The following SH3GLB1 variants were observed in gnomAD, a reference collection of about 807,000 sequenced individuals.
SH3GLB1 encodes SH3 domain containing GRB2 like, endophilin B1.
Under a neutral mutation model 42.0 loss-of-function variants are expected in SH3GLB1, and 17 were observed. The observed-to-expected ratio is 0.40, with a 90% CI of 0.28 to 0.61. The LOEUF (loss-of-function observed/expected upper bound fraction) is 0.61. Among genes scored for constraint, SH3GLB1 ranks in the 20% least tolerant of loss-of-function variants. The probability of loss-of-function intolerance (pLI) is 0.36; values close to 1 mark genes in which losing one functional copy is unlikely to be tolerated. For missense variants in SH3GLB1, 355 were observed against 426.3 expected (o/e 0.83, Z 1.47); for synonymous variants, 132 against 146.6 (o/e 0.90, Z 0.72).
In SH3GLB1 at chr1:86,724,892, A is replaced by ATAT. The variant is rs1553208270; in HGVS notation, c.570+487_570+488insTAT. Among the ~76,000 whole-genome samples, 238 of 99,648 alleles carry ATAT rather than the reference A, an allele frequency of 2.4e-3. 2 individuals are homozygous for ATAT. In the East Asian group the frequency reaches 0.028, roughly 12 times the overall value. The allele number at this position is 99,648 out of a possible 152,430, so 65.4% of individuals were successfully genotyped here. On this transcript the variant is annotated intron_variant, in intron 5 of 8. Coordinates refer to ENST00000370558, the MANE Select transcript of SH3GLB1 (RefSeq NM_016009.5). ...CTGTCTTTAAAAAAAAAAAAAAAAAAATATATATATATATATATATAAAAT... is the reference window on the plus strand; with the variant it reads ...CTGTCTTTAAAAAAAAAAAAAAAAAATATATATATATATATATATATATAAAAT...
chr1:86,738,809 A>AC (rs1655910802), intron 7 of SH3GLB1: 1 of 151,620 alleles, frequency 6.6e-6, no homozygotes, highest in South Asian at 2.1e-4. Flanking sequence ...TGCCCAGCTA[A>AC]TTTTTTGCAT....
chr1:86,722,801 G>A, intron 4 of SH3GLB1, 128 bp downstream of exon 4: 1 of 695,240 alleles, frequency 1.4e-6, no homozygotes, highest in Non-Finnish European at 2.2e-6. Flanking sequence ...CTAGGTCAGT[G>A]CATGTTCACC....
chr1:86,734,257 A>C (rs1472337888), intron 5 of SH3GLB1: 3 of 164,540 alleles, frequency 1.8e-5, no homozygotes, highest in Admixed American at 6.1e-5. Context: ...GTCATCTTAA[A>C]ATTTTGTAAA....
chr1:86,734,438 G>C, intron 5 of SH3GLB1, 164 bp from the exon 6 acceptor site: 5 of 578,620 alleles, frequency 8.6e-6, no homozygotes, highest in South Asian at 6.6e-5. Flanking sequence ...GAAAAGCTAA[G>C]GTCTAGAAAC....
In SH3GLB1 at chr1:86,709,035, T is replaced by C. The variant is rs377473996; in HGVS notation, c.72+4064T>C. ...GTAAAATAAACTTTTTTTAAAGATA[T>C]AGCTTCAAATCCATCTCAGCTGATA... On this transcript the variant is annotated intron_variant, in intron 1 of 8. Transcript: ENST00000370558. Among the ~76,000 whole-genome samples the C allele has an allele frequency of 2.9e-4, 44 of 152,332 alleles. 1 individual carries two copies. The South Asian group carries it at 8.3e-3, about 29-fold the overall frequency.
chr1:86,734,372 G>GT (rs1333775024), intron 5 of SH3GLB1: 2 of 415,228 alleles, frequency 4.8e-6, no homozygotes, highest in African/African-American at 4.0e-5. Context: ...AAGCTTTAGC[G>GT]TAACAGATTC....
chr1:86,730,200 C>G (rs916171689), intron 5 of SH3GLB1: 1 of 1,519,578 alleles, frequency 6.6e-7, no homozygotes, highest in African/African-American at 1.4e-5. Flanking sequence ...ACCCATGGGT[C>G]CAGTCACAGT....
chr1:86,745,494 C>T lies in SH3GLB1; in HGVS notation c.*2259C>T, dbSNP rs759028456. 6 of 152,140 alleles carry T rather than the reference C, an allele frequency of 3.9e-5. No homozygotes were observed. Among genetic ancestry groups the T allele is most frequent in the Admixed American group, 2.6e-4 (4 of 15,278 alleles). The allele number at this position is 152,140 out of a possible 1,614,324, so 9.4% of individuals were successfully genotyped here. On this transcript the variant is annotated 3_prime_UTR_variant, in exon 9 of 9. Transcript: ENST00000370558. ...TATCCTCCACCCTCTTTAAATCAGA[C>T]CCCAGGTTTAACCTTCCCACAGTCA...
intron 7 of SH3GLB1, among the ~76,000 whole-genome samples, chr1:86,736,692 T>C (rs542348713): frequency 2.0e-5 from 3 of 152,320 alleles, no homozygotes; most frequent in South Asian, 2.1e-4. Flanking sequence ...TGTTGCGTTA[T>C]TACTGCTCTT....
chr1:86,729,480 TGAAAAGCG>T (rs1257863480), intron 5 of SH3GLB1, among the ~76,000 whole-genome samples: 2 of 152,274 alleles, frequency 1.3e-5, no homozygotes, highest in East Asian at 3.9e-4. Flanking sequence ...TATAGGTAAA[TGAAAAGCG>T]TGAGGATATT....
At chr1:86,722,282 T>G (rs1654910633) in intron 3 of SH3GLB1, among the ~76,000 whole-genome samples, 1 of 152,108 alleles carries the variant, frequency 6.6e-6, no homozygotes, top group Non-Finnish European at 1.5e-5. Flanking sequence ...TTTGCCCTCT[T>G]TAGTCCCATT....
chr1:86,721,555 T>G (rs1196869009), intron 3 of SH3GLB1, among the ~76,000 whole-genome samples: 1 of 152,188 alleles, frequency 6.6e-6, no homozygotes, highest in African/African-American at 2.4e-5. Context: ...ACCCTGATCT[T>G]GGGGCTTCCT....
At chr1:86,712,326 G>A (rs1262294564) in intron 1 of SH3GLB1, among the ~76,000 whole-genome samples, 1 of 152,106 alleles carries the variant, frequency 6.6e-6, no homozygotes, top group Non-Finnish European at 1.5e-5. Context: ...AGGAAGCACA[G>A]AATATGATTG....
intron 3 of SH3GLB1, among the ~76,000 whole-genome samples, chr1:86,721,230 T>G (rs1247143038): frequency 6.6e-6 from 1 of 152,218 alleles, no homozygotes; most frequent in Non-Finnish European, 1.5e-5. Context: ...TACTAAAAAT[T>G]GAGTATCACA....
chr1:86,743,789 A>G lies in SH3GLB1; in HGVS notation c.*554A>G, dbSNP rs1325927441. 1 of 152,568 alleles carries G rather than the reference A, an allele frequency of 6.6e-6. No individual in the cohort carries two copies. The highest frequency in any genetic ancestry group is 1.5e-5 in the Non-Finnish European group (1 of 68,006). The allele number at this position is 152,568 out of a possible 1,614,324, so 9.5% of individuals were successfully genotyped here. A position where few individuals can be genotyped will look rare whatever the true frequency, so the allele number is the denominator to read the frequency against. ...ACAGAAATCAAATGATTTTAATATT[A>G]TGTTTTGATGGGTTATTTTCAGAGT... On this transcript the variant is annotated 3_prime_UTR_variant, in exon 9 of 9. Transcript: ENST00000370558.
At chr1:86,705,848 G>A (rs865904771) in intron 1 of SH3GLB1, among the ~76,000 whole-genome samples, 11 of 152,124 alleles carry the variant, frequency 7.2e-5, no homozygotes, top group Admixed American at 2.0e-4. Context: ...TTACGGTCAC[G>A]GTAGCAACAA....
chr1:86,704,668 T>A lies in SH3GLB1; in HGVS notation c.-232T>A, dbSNP rs1290048901. On this transcript the variant is annotated 5_prime_UTR_variant, in exon 1 of 9. Transcript: ENST00000370558. ...CCATCGTCGACGTTAGCGGCCGTTC[T>A]CCGAGCCGACTGACCCATCCTTGGC... 2 of 384,670 alleles carry A rather than the reference T, an allele frequency of 5.2e-6. No individual in the cohort carries two copies. The highest frequency in any genetic ancestry group is 2.2e-5 in the African/African-American group (1 of 46,456). The allele number at this position is 384,670 out of a possible 1,614,324, so 23.8% of individuals were successfully genotyped here.
rs372762399 is a variant in SH3GLB1, at chr1:86,715,878, A to G, written c.214+13A>G. On this transcript the variant is annotated intron_variant, in intron 2 of 8. Coordinates refer to ENST00000370558, the MANE Select transcript of SH3GLB1 (RefSeq NM_016009.5). ...CAGCCAAATCCAAGTAAGAAACTCTACCTCTTGTGTACCTTAAGTACTATT... is the reference window on the plus strand; with the variant it reads ...CAGCCAAATCCAAGTAAGAAACTCTGCCTCTTGTGTACCTTAAGTACTATT... 6.2e-6 allele frequency: 10 copies of G among 1,604,238 alleles called. No homozygotes were observed. In the African/African-American group the frequency reaches 1.2e-4, roughly 19 times the overall value.
At chr1:86,741,003 TATG>T (rs1395672502) in intron 7 of SH3GLB1, among the ~76,000 whole-genome samples, 14 of 151,960 alleles carry the variant, frequency 9.2e-5, no homozygotes, top group Non-Finnish European at 5.9e-5. Context: ...TATGATAAAA[TATG>T]ATAATGTGGG....
Sources: allele counts gnomAD v4.1 joint callset (sites outside exome capture counted in the v4.1 genomes callset), GRCh38; gene constraint gnomAD v4.1.1; transcripts MANE v1.5; gene names NCBI Gene and HGNC (gene_info 2026-07-23, HGNC 2026-07-21).